The following NID2 variants were observed in gnomAD, a reference collection of about 807,000 sequenced individuals.
NID2 encodes nidogen 2, also known as nidogen-2.
Under a neutral mutation model 145.4 loss-of-function variants are expected in NID2, and 83 were observed. The observed-to-expected ratio is 0.57, with a 90% CI of 0.48 to 0.69. NID2 has a LOEUF of 0.69. Among genes scored for constraint, NID2 ranks in the 30% least tolerant of loss-of-function variants. The probability of loss-of-function intolerance (pLI) is 0.00; values close to 1 mark genes in which losing one functional copy is unlikely to be tolerated. For synonymous variants in NID2, 739 were observed against 701.3 expected (o/e 1.05, Z -0.85); for missense variants, 1,807 against 1,765.7 (o/e 1.02, Z -0.42).
At chr14:52,010,705 CTT>C in intron 18 of NID2, 169 bp downstream of exon 18, 1 of 607,310 alleles carries the variant, frequency 1.6e-6, no homozygotes, top group East Asian at 2.7e-5. Flanking sequence ...CAGACCTTGT[CTT>C]TTCCTAGAAC....
chr14:52,057,435 G>A (rs1041493123), intron 3 of NID2, among the ~76,000 whole-genome samples: 4 of 152,104 alleles, frequency 2.6e-5, no homozygotes, highest in African/African-American at 9.7e-5. Flanking sequence ...GGGTATGGTG[G>A]CTTACACCCA....
At chr14:52,022,789 G>A (rs997018639) in intron 12 of NID2, among the ~76,000 whole-genome samples, 5 of 152,178 alleles carry the variant, frequency 3.3e-5, no homozygotes, top group Non-Finnish European at 7.3e-5. Flanking sequence ...AGCAGGAACT[G>A]TTGGATGATA....
Position 52,007,806 on chromosome 14 carries a change from T to G in NID2, c.3880+4A>C, listed in dbSNP as rs755495961. On this transcript the variant is annotated splice_donor_region_variant and intron_variant, in intron 19 of 21. Transcript: ENST00000216286. ...ATCTATTTGCATTCCATCAGTAGTA[T>G]TACCTGCATCTGCCCAGCAGAGCAG... The G allele has an allele frequency of 1.1e-5, 17 of 1,612,672 alleles. No individual in the cohort carries two copies. Among genetic ancestry groups the G allele is most frequent in the Middle Eastern group, 1.6e-4 (1 of 6,078 alleles).
chr14:52,034,941 C>T (rs978856658), intron 9 of NID2, among the ~76,000 whole-genome samples: 7 of 152,150 alleles, frequency 4.6e-5, no homozygotes, highest in Admixed American at 6.5e-5. Flanking sequence ...CTCTGGCTTG[C>T]TTGAAACATT....
intron 5 of NID2, among the ~76,000 whole-genome samples, chr14:52,044,224 C>G (rs1431580315): frequency 6.6e-6 from 1 of 150,652 alleles, no homozygotes; most frequent in Non-Finnish European, 1.5e-5. Context: ...AAAGTTAACA[C>G]TTCAATCGCG....
chr14:52,051,461 C>T (rs1364878816), intron 5 of NID2, among the ~76,000 whole-genome samples: 1 of 152,174 alleles, frequency 6.6e-6, no homozygotes, highest in East Asian at 1.9e-4. Flanking sequence ...CCAACCAGCA[C>T]CAAAACCATG....
rs1160182685 is a variant in NID2, at chr14:52,042,829, T to A, written c.1532A>T (p.His511Leu). The change falls in exon 6 of 22, where the codon CAC becomes CTC. Residue 511 changes from histidine to leucine, a missense_variant. His to Leu is a moderately conservative substitution (Grantham distance 99). Transcript: ENST00000216286. ...CTDYATGFCC[H>L]CQSKFYGNGK... ...ATTTCCATAAAACTTGGATTGGCAG[T>A]GGCAGCAGAAGCCAGTGGCATAGTC... The A allele has an allele frequency of 6.2e-7, 1 of 1,614,062 alleles. No individual in the cohort carries two copies. Among genetic ancestry groups the A allele is most frequent in the Non-Finnish European group, 8.5e-7 (1 of 1,180,046 alleles).
chr14:52,015,464 A>C (rs899263639), intron 14 of NID2, among the ~76,000 whole-genome samples, 189 bp from the exon 15 acceptor site: 6 of 152,208 alleles, frequency 3.9e-5, no homozygotes, highest in African/African-American at 1.4e-4. Flanking sequence ...CACCATGGGA[A>C]TCAGAAATAG....
At chr14:52,030,387 C>T (rs1041873953) in intron 9 of NID2, among the ~76,000 whole-genome samples, 4 of 151,628 alleles carry the variant, frequency 2.6e-5, no homozygotes, top group Non-Finnish European at 5.9e-5. Flanking sequence ...CCTGTAATCC[C>T]AGCACTTTGG....
chr14:52,043,803 G>T (rs1360533467), intron 5 of NID2, among the ~76,000 whole-genome samples: 1 of 152,120 alleles, frequency 6.6e-6, no homozygotes, highest in East Asian at 1.9e-4. Context: ...CGGGGGTTGT[G>T]GATGGACAGG....
intron 12 of NID2, 113 bp downstream of exon 12, chr14:52,027,088 A>G (rs1024831296): frequency 8.9e-7 from 1 of 1,126,352 alleles, no homozygotes; most frequent in Non-Finnish European, 1.2e-6. Flanking sequence ...GGCAGCCACA[A>G]GGCTGTTAGA....
At chr14:52,017,549 T>C (rs1179131670) in intron 14 of NID2, among the ~76,000 whole-genome samples, 1 of 151,618 alleles carries the variant, frequency 6.6e-6, no homozygotes, top group African/African-American at 2.4e-5. Context: ...GTTCCCCCTT[T>C]AAAATCATTG....
intron 11 of NID2, among the ~76,000 whole-genome samples, chr14:52,028,458 T>C (rs1027593044): frequency 2.6e-5 from 4 of 152,180 alleles, no homozygotes; most frequent in Non-Finnish European, 4.4e-5. Flanking sequence ...GTATTGTTTG[T>C]AGAGACGGGG....
intron 12 of NID2, among the ~76,000 whole-genome samples, 192 bp downstream of exon 12, chr14:52,027,009 A>G (rs1891608575): frequency 1.3e-5 from 2 of 152,230 alleles, no homozygotes; most frequent in African/African-American, 2.4e-5. Flanking sequence ...ATGCTCGCCC[A>G]TCTAGTCCAG....
In NID2 at chr14:52,015,204, G is replaced by T. The variant is rs140488728; in HGVS notation, c.3100C>A (p.Pro1034Thr). ...ENLLEHYGGT[P>T]RDDQYVPQCD... ...TGGGGCACGTACTGGTCATCCCGGG[G>T]GGTGCCACCGTAGTGCTCCAGCAGG... Residue 1034 changes from proline (P) to threonine (T), a missense_variant, in exon 15 of 22, where the codon CCC becomes ACC. Transcript: ENST00000216286. 2,825 of 1,614,100 alleles carry T rather than the reference G, an allele frequency of 1.8e-3. 5 individuals are homozygous for T. The highest frequency in any genetic ancestry group is 2.2e-3 in the Non-Finnish European group (2,594 of 1,179,990).
intron 2 of NID2, among the ~76,000 whole-genome samples, chr14:52,062,973 A>T (rs954995997): frequency 6.6e-6 from 1 of 152,218 alleles, no homozygotes; most frequent in Non-Finnish European, 1.5e-5. Context: ...GAAGGAAACA[A>T]CTTCCTTTTA....
intron 5 of NID2, among the ~76,000 whole-genome samples, chr14:52,043,338 A>G (rs188241402): frequency 6.6e-6 from 1 of 152,364 alleles, no homozygotes; most frequent in African/African-American, 2.4e-5. Context: ...AGAGAAGCTA[A>G]CAAATGTCTT....
chr14:52,027,071 C>CT (rs1465565156), intron 12 of NID2, 130 bp downstream of exon 12: 13 of 954,228 alleles, frequency 1.4e-5, no homozygotes, highest in African/African-American at 1.7e-5. Flanking sequence ...TTTTTTCTCA[C>CT]TATTTTGGCA....
In NID2 at chr14:52,038,766, A is replaced by G. The variant is rs1468147908; in HGVS notation, c.2238T>C (p.Asn746=). The change falls in exon 9 of 22, where the codon AAT becomes AAC. Residue 746 remains asparagine, a synonymous_variant. Transcript: ENST00000216286. ...CCTTACCTTTGACCGGGCCAATTTG[A>G]TTGGTCACAGCAAATCTAAGCACTC... ...EERVLRFAVT[N]QIGPVKEDSD... 12 of 1,580,152 alleles carry G rather than the reference A, an allele frequency of 7.6e-6. No homozygotes were observed. The highest frequency in any genetic ancestry group is 4.1e-5 in the African/African-American group (3 of 73,464).
Sources: gnomAD v4.1 joint callset for allele counts (sites outside exome capture counted in the v4.1 genomes callset) on GRCh38, gnomAD v4.1.1 for gene constraint, MANE v1.5 for transcripts, NCBI Gene and HGNC (gene_info 2026-07-23, HGNC 2026-07-21) for gene names.